The following PCDH15 variants were observed in gnomAD, a reference collection of about 807,000 sequenced individuals.
PCDH15 encodes the protein protocadherin-15.
A neutral mutation model predicts 178.5 loss-of-function variants in PCDH15; 129 were observed. The ratio of observed to expected loss-of-function variants is 0.72; its 90% CI spans 0.63 to 0.84. The LOEUF is 0.84. PCDH15 is among the 40% of genes least tolerant of loss of function. The probability of loss-of-function intolerance (pLI) is 0.00; values close to 1 mark genes in which losing one functional copy is unlikely to be tolerated. For synonymous variants in PCDH15, 800 were observed against 732.0 expected (o/e 1.09, Z -1.50); for missense variants, 2,230 against 2,099.9 (o/e 1.06, Z -1.21).
intron 21 of PCDH15, among the ~76,000 whole-genome samples, chr10:53,983,175 T>A (rs1212272643): frequency 1.3e-5 from 2 of 152,028 alleles, no homozygotes; most frequent in African/African-American, 4.8e-5. Context: ...AAGTATGATT[T>A]AACATCAGGA....
chr10:53,994,468 G>GTA (rs2091722476), intron 21 of PCDH15: 1 of 152,066 alleles, frequency 6.6e-6, no homozygotes. Flanking sequence ...ACAATGACCA[G>GTA]TATATAGTTG....
intron 1 of PCDH15, among the ~76,000 whole-genome samples, chr10:55,290,166 T>G (rs1842972216): frequency 6.6e-6 from 1 of 151,938 alleles, no homozygotes; most frequent in Admixed American, 6.6e-5. Flanking sequence ...TACATAAATT[T>G]TATACAAACC....
intron 2 of PCDH15, among the ~76,000 whole-genome samples, chr10:54,970,646 A>G (rs1838908808): frequency 6.6e-6 from 1 of 152,054 alleles, no homozygotes; most frequent in Admixed American, 6.6e-5. Context: ...TAAATTGGTT[A>G]CCATTGTGAG....
intron 2 of PCDH15, among the ~76,000 whole-genome samples, chr10:54,952,744 T>G (rs1382155484): frequency 1.3e-5 from 2 of 151,768 alleles, no homozygotes; most frequent in Non-Finnish European, 3.0e-5. Flanking sequence ...GTATTTCATT[T>G]TCTTGGATCT....
chr10:55,470,168 T>C (rs1252001283), intron 2 of PCDH15, among the ~76,000 whole-genome samples: 1 of 151,928 alleles, frequency 6.6e-6, no homozygotes, highest in Non-Finnish European at 1.5e-5. Context: ...CTGGCCAACA[T>C]GGTGAAACAC....
chr10:53,885,672 C>CTAT (rs1418543261), intron 26 of PCDH15, among the ~76,000 whole-genome samples: 1 of 152,070 alleles, frequency 6.6e-6, no homozygotes, highest in Non-Finnish European at 1.5e-5. Flanking sequence ...TCATTTAAAA[C>CTAT]ATATAAATAT....
At chr10:54,961,770 G>A (rs967420981) in intron 2 of PCDH15, among the ~76,000 whole-genome samples, 16 of 152,050 alleles carry the variant, frequency 1.1e-4, no homozygotes, top group African/African-American at 3.6e-4. Context: ...ATCACTTTCG[G>A]TCTCCTCTAC....
At chr10:53,809,419 C>G in intron 37 of PCDH15, 1 of 1,614,014 alleles carries the variant, frequency 6.2e-7, no homozygotes, top group South Asian at 1.1e-5. Flanking sequence ...GGGGAATATT[C>G]TGGCTCTCTT....
At chr10:54,578,781 C>G (rs964361215) in intron 2 of PCDH15, among the ~76,000 whole-genome samples, 2 of 152,022 alleles carry the variant, frequency 1.3e-5, no homozygotes, top group African/African-American at 4.8e-5. Context: ...CAAAGGGAAC[C>G]CAATCAGGCT....
intron 2 of PCDH15, among the ~76,000 whole-genome samples, chr10:55,325,652 C>T (rs923531435): frequency 1.3e-5 from 2 of 151,846 alleles, no homozygotes; most frequent in Non-Finnish European, 2.9e-5. Flanking sequence ...TAAGAACTGG[C>T]AAAGATTTCA....
intron 32 of PCDH15, chr10:53,821,432 T>C: frequency 9.9e-7 from 1 of 1,007,688 alleles, no homozygotes. Context: ...CTATCAATCA[T>C]ATCAGTTTTA....
At chr10:54,268,288 A>T (rs1272585496) in intron 8 of PCDH15, among the ~76,000 whole-genome samples, 1 of 152,024 alleles carries the variant, frequency 6.6e-6, no homozygotes, top group Non-Finnish European at 1.5e-5. Context: ...AAGATTGATA[A>T]AAGACTTAAA....
chr10:54,410,702 C>T (rs947720137), intron 3 of PCDH15, among the ~76,000 whole-genome samples: 5 of 152,180 alleles, frequency 3.3e-5, no homozygotes, highest in Admixed American at 2.6e-4. Flanking sequence ...AAACAGGAGG[C>T]CTCCTGAAGA....
At chr10:53,885,838 T>C (rs148857881) in intron 26 of PCDH15, among the ~76,000 whole-genome samples, 11 of 152,248 alleles carry the variant, frequency 7.2e-5, no homozygotes, top group African/African-American at 2.4e-4. Context: ...AGAGAACTCA[T>C]CTGGTGACTT....
intron 2 of PCDH15, among the ~76,000 whole-genome samples, chr10:55,089,252 CT>C (rs1308156990): frequency 2.0e-5 from 3 of 152,172 alleles, no homozygotes; most frequent in African/African-American, 7.2e-5. Flanking sequence ...CAACTTGGAC[CT>C]AGTTTATAAA....
intron 1 of PCDH15, among the ~76,000 whole-genome samples, chr10:54,692,166 A>T (rs1410731170): frequency 2.0e-5 from 3 of 152,184 alleles, no homozygotes; most frequent in African/African-American, 7.2e-5. Context: ...ATTCATCTAC[A>T]TACACTGAAC....
intron 2 of PCDH15, among the ~76,000 whole-genome samples, chr10:55,447,683 A>T (rs1426641149): frequency 6.6e-6 from 1 of 152,104 alleles, no homozygotes; most frequent in Non-Finnish European, 1.5e-5. Flanking sequence ...GGACTTAAAA[A>T]ATAGTTGTGA....
intron 21 of PCDH15, among the ~76,000 whole-genome samples, chr10:53,991,783 GTGTCTAGCTCAGGGATTA>G (rs2091504152): frequency 6.6e-6 from 1 of 152,074 alleles, no homozygotes; most frequent in Admixed American, 6.5e-5. Context: ...TCAGCACTCT[GTGTCTAGCTCAGGGATTA>G]TAAATGCACC....
chr10:54,193,086 A>T (rs1429536450), intron 11 of PCDH15, among the ~76,000 whole-genome samples: 3 of 152,206 alleles, frequency 2.0e-5, no homozygotes, highest in South Asian at 4.1e-4. Flanking sequence ...TCATAGACTA[A>T]CTGGTACTGT....
Sources: gnomAD v4.1 joint callset for allele counts (sites outside exome capture counted in the v4.1 genomes callset) on GRCh38, gnomAD v4.1.1 for gene constraint, MANE v1.5 for transcripts, NCBI Gene and HGNC (gene_info 2026-07-23, HGNC 2026-07-21) for gene names.